The following AHI1 variants were observed in gnomAD, a reference collection of about 807,000 sequenced individuals.
The protein encoded by AHI1 is Abelson helper integration site 1.
AHI1 carries 123 observed loss-of-function variants against 149.3 expected under a neutral mutation model. The observed-to-expected ratio is 0.82, with a 90% CI of 0.71 to 0.96. The LOEUF (loss-of-function observed/expected upper bound fraction) is 0.96, where lower values mean the gene tolerates loss of function less well. Among genes scored for constraint, AHI1 ranks in the 40% least tolerant of loss-of-function variants. The pLI is 0.00. For missense variants in AHI1, 1,439 were observed against 1,422.7 expected (o/e 1.01, Z -0.18); for synonymous variants, 475 against 459.8 (o/e 1.03, Z -0.42).
At chr6:135,363,144 G>T (rs1353406885) in intron 23 of AHI1, among the ~76,000 whole-genome samples, 1 of 151,748 alleles carries the variant, frequency 6.6e-6, no homozygotes, top group African/African-American at 2.4e-5. Context: ...AAGGTCAGTA[G>T]ATAAACAAGT....
chr6:135,413,453 C>T (rs769306435), intron 20 of AHI1, among the ~76,000 whole-genome samples: 1 of 150,006 alleles, frequency 6.7e-6, no homozygotes, highest in Non-Finnish European at 1.5e-5. Context: ...TTGAAACTAC[C>T]AAAAAATGGA....
chr6:135,393,757 G>A (rs555307721), intron 23 of AHI1, among the ~76,000 whole-genome samples: 1 of 152,074 alleles, frequency 6.6e-6, no homozygotes, highest in African/African-American at 2.4e-5. Flanking sequence ...TATTCACATA[G>A]CACCTTATGC....
At chr6:135,415,434 T>G (rs1177696792) in intron 20 of AHI1, among the ~76,000 whole-genome samples, 1 of 152,162 alleles carries the variant, frequency 6.6e-6, no homozygotes, top group East Asian at 1.9e-4. Flanking sequence ...CCACCAACAG[T>G]GTAAAAGTGT....
chr6:135,412,881 G>A (rs1781809051), intron 20 of AHI1, among the ~76,000 whole-genome samples: 1 of 152,148 alleles, frequency 6.6e-6, no homozygotes, highest in African/African-American at 2.4e-5. Flanking sequence ...AAATGTGAGT[G>A]TGTTTATATA....
At chr6:135,354,597 A>C (rs190534310) in intron 24 of AHI1, among the ~76,000 whole-genome samples, 29 of 152,266 alleles carry the variant, frequency 1.9e-4, no homozygotes, top group African/African-American at 6.7e-4. Context: ...CTGACTTAAC[A>C]ATTAACTAAC....
chr6:135,357,244 T>C (rs1793135872), intron 24 of AHI1, among the ~76,000 whole-genome samples: 1 of 152,314 alleles, frequency 6.6e-6, no homozygotes, highest in East Asian at 1.9e-4. Flanking sequence ...GCCATCTTTA[T>C]TTTCTTAATT....
At chr6:135,444,810 T>TA (rs1786905415) in intron 13 of AHI1, among the ~76,000 whole-genome samples, 2 of 152,244 alleles carry the variant, frequency 1.3e-5, no homozygotes. Flanking sequence ...TAGAAAATGC[T>TA]AGTACATACT....
chr6:135,418,786 C>T (rs1226108468), intron 20 of AHI1, among the ~76,000 whole-genome samples: 1 of 151,932 alleles, frequency 6.6e-6, no homozygotes, highest in African/African-American at 2.4e-5. Context: ...TTTATATGGT[C>T]ATCTTACTGG....
At chr6:135,367,422 C>A (rs113092480) in intron 23 of AHI1, among the ~76,000 whole-genome samples, 1,812 of 152,214 alleles carry the variant, frequency 0.012, 36 homozygotes, top group African/African-American at 0.041. Flanking sequence ...AGACCAGGGA[C>A]GTTTCCCTAG....
rs150124891 is a variant in AHI1, at chr6:135,385,143, T to C, written c.3109+9633A>G. Among the ~76,000 whole-genome samples, 35 of 152,286 alleles carry C rather than the reference T, an allele frequency of 2.3e-4. No individual in the cohort carries two copies. The East Asian group carries it at 6.6e-3, about 29-fold the overall frequency. On this transcript the variant is annotated intron_variant, in intron 23 of 28. Coordinates refer to ENST00000265602, the MANE Select transcript of AHI1 (RefSeq NM_001134831.2). ...AAATGAAATAAAATTAAAAATTTAG[T>C]TCCTATGTTACACCAGCCTCTAGCT...
intron 24 of AHI1, among the ~76,000 whole-genome samples, chr6:135,350,245 T>C (rs889237986): frequency 6.6e-6 from 1 of 152,188 alleles, no homozygotes; most frequent in Non-Finnish European, 1.5e-5. Flanking sequence ...TCCAGCTTCC[T>C]TTCTGGGCCC....
At chr6:135,482,703 G>C (rs1793861452) in intron 5 of AHI1, among the ~76,000 whole-genome samples, 1 of 150,864 alleles carries the variant, frequency 6.6e-6, no homozygotes, top group South Asian at 2.1e-4. Flanking sequence ...TGTTTCTATT[G>C]ATTGACTTAT....
chr6:135,365,460 T>C (rs1402172339), intron 23 of AHI1, among the ~76,000 whole-genome samples: 2 of 152,236 alleles, frequency 1.3e-5, no homozygotes, highest in Non-Finnish European at 2.9e-5. Flanking sequence ...TTTCCATCTT[T>C]TTTTGGTGTC....
chr6:135,422,788 C>G (rs1783392459), intron 20 of AHI1, among the ~76,000 whole-genome samples: 1 of 151,816 alleles, frequency 6.6e-6, no homozygotes, highest in African/African-American at 2.4e-5. Context: ...CCACACCCAG[C>G]CACCCCCCAC....
At chr6:135,407,048 T>C (rs535684602) in intron 21 of AHI1, among the ~76,000 whole-genome samples, 1 of 152,344 alleles carries the variant, frequency 6.6e-6, no homozygotes, top group East Asian at 1.9e-4. Context: ...CAGTCAAGTA[T>C]GCTAATTATG....
At chr6:135,485,845 A>G (rs1375296754) in intron 5 of AHI1, among the ~76,000 whole-genome samples, 2 of 152,160 alleles carry the variant, frequency 1.3e-5, no homozygotes, top group Non-Finnish European at 2.9e-5. Context: ...ACACACTGGC[A>G]TAACAGGGAG....
At chr6:135,287,671 G>A (rs932089126) in intron 28 of AHI1, among the ~76,000 whole-genome samples, 2 of 152,216 alleles carry the variant, frequency 1.3e-5, no homozygotes, top group African/African-American at 4.8e-5. Context: ...AAGTAACGAA[G>A]CAAAGCCCTT....
At chr6:135,488,367 T>C (rs1189222359) in intron 5 of AHI1, among the ~76,000 whole-genome samples, 1 of 152,190 alleles carries the variant, frequency 6.6e-6, no homozygotes, top group Non-Finnish European at 1.5e-5. Context: ...ACCTCGAATT[T>C]GTCTCCCACT....
chr6:135,317,505 C>T (rs775896490), intron 26 of AHI1, among the ~76,000 whole-genome samples: 4 of 150,238 alleles, frequency 2.7e-5, no homozygotes, highest in Non-Finnish European at 5.9e-5. Flanking sequence ...GGGAACTCTT[C>T]ATGGACTCCC....
Sources: gnomAD v4.1 joint callset for allele counts (sites outside exome capture counted in the v4.1 genomes callset) on GRCh38, gnomAD v4.1.1 for gene constraint, MANE v1.5 for transcripts, NCBI Gene and HGNC (gene_info 2026-07-23, HGNC 2026-07-21) for gene names.